RPS6KC1: variants seen among roughly 807,000 people sequenced by gnomAD.
The protein encoded by RPS6KC1 is inactive ribosomal protein S6 kinase delta-1.
RPS6KC1 carries 54 observed loss-of-function variants against 103.8 expected under a neutral mutation model. The observed-to-expected ratio is 0.52, with a 90% CI of 0.42 to 0.65. The LOEUF (loss-of-function observed/expected upper bound fraction) is 0.65, where lower values mean the gene tolerates loss of function less well. Among genes scored for constraint, RPS6KC1 ranks in the 30% least tolerant of loss-of-function variants. The pLI, the probability that RPS6KC1 is intolerant of heterozygous loss-of-function variation, is 0.00. For synonymous variants in RPS6KC1, 439 were observed against 438.7 expected, an observed-to-expected ratio of 1.00 and a Z score of -0.01; for missense variants, 1,151 against 1,253.8, an observed-to-expected ratio of 0.92 and a Z score of 1.24.
chr1:213,382,166 C>A, the RPS6KC1 span, among the ~76,000 whole-genome samples: 2 of 152,190 alleles, frequency 1.3e-5, no homozygotes, highest in Non-Finnish European at 2.9e-5. Context: ...AAACCTCCAG[C>A]AAATAAGAAT....
intron 1 of RPS6KC1, among the ~76,000 whole-genome samples, chr1:213,055,055 T>C (rs1367855301): frequency 6.6e-6 from 1 of 152,262 alleles, no homozygotes; most frequent in Non-Finnish European, 1.5e-5. Flanking sequence ...AAGACAGTGC[T>C]GTATTATAAC....
chr1:213,061,167 A>T (rs1207841994), intron 1 of RPS6KC1, among the ~76,000 whole-genome samples: 1 of 152,180 alleles, frequency 6.6e-6, no homozygotes, highest in African/African-American at 2.4e-5. Context: ...CACATCCATC[A>T]CATTGGGGAT....
chr1:213,159,286 T>C (rs1180644686), intron 6 of RPS6KC1, among the ~76,000 whole-genome samples: 2 of 152,164 alleles, frequency 1.3e-5, no homozygotes, highest in African/African-American at 4.8e-5. Context: ...GTGTCAAATT[T>C]TATGTTGAGA....
chr1:213,703,491 C>A, the RPS6KC1 span, among the ~76,000 whole-genome samples: 1 of 152,110 alleles, frequency 6.6e-6, no homozygotes, highest in South Asian at 2.1e-4. Flanking sequence ...TCCTTTTCAT[C>A]CTGACTGAAG....
At chr1:213,577,777 T>G in the RPS6KC1 span, among the ~76,000 whole-genome samples, 6 of 152,236 alleles carry the variant, frequency 3.9e-5, no homozygotes, top group Non-Finnish European at 7.3e-5. Flanking sequence ...AAACTTTCAG[T>G]TTTATTCATT....
At chr1:213,277,521 A>G (rs929801152), downstream of RPS6KC1, among the ~76,000 whole-genome samples, 9 of 152,206 alleles carry the variant, frequency 5.9e-5, no homozygotes, top group African/African-American at 1.9e-4. Context: ...AGCAATAGAG[A>G]GCCTTCTTTA....
chr1:213,177,779 A>G (rs1466312585), intron 8 of RPS6KC1, among the ~76,000 whole-genome samples: 1 of 152,128 alleles, frequency 6.6e-6, no homozygotes, highest in Non-Finnish European at 1.5e-5. Context: ...TACCTTCTTG[A>G]GGTACAGTGT....
In RPS6KC1 at chr1:213,273,120, A is replaced by G. The variant is rs1403067822; in HGVS notation, c.*486A>G. On this transcript the variant is annotated 3_prime_UTR_variant, in exon 15 of 15. Coordinates refer to ENST00000366960, the MANE Select transcript of RPS6KC1 (RefSeq NM_012424.6). ...TGAAACTTAAAAGCGAGAAAAAAGAATATACACATAATTTCTGACGGAAAA... is the reference window on the plus strand; with the variant it reads ...TGAAACTTAAAAGCGAGAAAAAAGAGTATACACATAATTTCTGACGGAAAA... 6.4e-6 allele frequency: 1 copy of G among 155,398 alleles called. No homozygotes were observed. Among genetic ancestry groups the G allele is most frequent in the African/African-American group, 2.4e-5 (1 of 41,474 alleles). 9.6% of individuals were successfully genotyped at this position (155,398 alleles called of 1,614,324 possible).
the RPS6KC1 span, among the ~76,000 whole-genome samples, chr1:213,315,222 T>C: frequency 1.5e-4 from 23 of 152,238 alleles, no homozygotes; most frequent in Non-Finnish European, 2.6e-4. Context: ...TGTGAGTTCT[T>C]CACCTGTCTT....
chr1:213,479,529 T>A, the RPS6KC1 span, among the ~76,000 whole-genome samples: 1 of 152,066 alleles, frequency 6.6e-6, no homozygotes, highest in Admixed American at 6.5e-5. Flanking sequence ...TCTCATTTGT[T>A]AACTGCCTGT....
the RPS6KC1 span, among the ~76,000 whole-genome samples, chr1:213,360,775 C>T: frequency 1.3e-5 from 2 of 152,226 alleles, no homozygotes; most frequent in African/African-American, 4.8e-5. Flanking sequence ...TTCATTCTAA[C>T]AGTCAGGACC....
chr1:213,357,768 G>C, the RPS6KC1 span, among the ~76,000 whole-genome samples: 109 of 152,310 alleles, frequency 7.2e-4, no homozygotes, highest in Non-Finnish European at 1.4e-3. Flanking sequence ...CTCCATTTGC[G>C]GCTGAATGCA....
the RPS6KC1 span, among the ~76,000 whole-genome samples, chr1:213,438,046 TGA>T: frequency 6.6e-6 from 1 of 152,166 alleles, no homozygotes; most frequent in Non-Finnish European, 1.5e-5. Flanking sequence ...ATCTTCCAGT[TGA>T]ATAACTTCTT....
chr1:213,458,112 T>C, the RPS6KC1 span, among the ~76,000 whole-genome samples: 1 of 152,208 alleles, frequency 6.6e-6, no homozygotes, highest in Admixed American at 6.5e-5. Context: ...GTAGTGAGCA[T>C]AGTACTCAAT....
chr1:213,349,692 A>G, the RPS6KC1 span, among the ~76,000 whole-genome samples: 4 of 152,206 alleles, frequency 2.6e-5, no homozygotes, highest in African/African-American at 7.2e-5. Flanking sequence ...ACACAAAAGC[A>G]CAGACCACAT....
chr1:213,297,015 C>T, the RPS6KC1 span, among the ~76,000 whole-genome samples: 11 of 152,126 alleles, frequency 7.2e-5, no homozygotes, highest in African/African-American at 1.2e-4. Flanking sequence ...CCTTTCTTCC[C>T]GATGCACCAT....
chr1:213,729,202 C>A, the RPS6KC1 span, among the ~76,000 whole-genome samples: 1 of 152,188 alleles, frequency 6.6e-6, no homozygotes, highest in Admixed American at 6.5e-5. Flanking sequence ...CCAGAGTCAG[C>A]ATGACGGTAG....
chr1:213,347,404 T>C, the RPS6KC1 span, among the ~76,000 whole-genome samples: 1 of 152,210 alleles, frequency 6.6e-6, no homozygotes, highest in African/African-American at 2.4e-5. Flanking sequence ...TATGTATGTA[T>C]ATTACAATGT....
the RPS6KC1 span, among the ~76,000 whole-genome samples, chr1:213,766,729 C>T: frequency 6.6e-6 from 1 of 152,122 alleles, no homozygotes; most frequent in Non-Finnish European, 1.5e-5. Context: ...TCTCATACCT[C>T]CCTGATTACT....
Sources: gnomAD v4.1 joint callset for allele counts (sites outside exome capture counted in the v4.1 genomes callset) on GRCh38, gnomAD v4.1.1 for gene constraint, MANE v1.5 for transcripts, NCBI Gene and HGNC (gene_info 2026-07-23, HGNC 2026-07-21) for gene names.